Variants in C1orf185 observed in about 807,000 individuals in gnomAD.
C1orf185 encodes the protein chromosome 1 open reading frame 185.
Under a neutral mutation model 16.1 loss-of-function variants are expected in C1orf185, and 13 were observed. That is an observed-to-expected ratio of 0.81 (90% CI 0.53 to 1.28). The LOEUF (loss-of-function observed/expected upper bound fraction) is 1.28. Ranked by LOEUF, C1orf185 falls within the 50% of genes most tolerant of loss-of-function variation. The pLI is 0.00. For synonymous variants in C1orf185, 80 were observed against 76.9 expected, an observed-to-expected ratio of 1.04 and a Z score of -0.21; for missense variants, 220 against 225.2, an observed-to-expected ratio of 0.98 and a Z score of 0.15.
downstream of C1orf185, among the ~76,000 whole-genome samples, chr1:51,152,272 CTA>C (rs1013616372): frequency 2.0e-5 from 3 of 152,186 alleles, no homozygotes; most frequent in African/African-American, 7.2e-5. Flanking sequence ...ACTGGCCTCT[CTA>C]TAGTCTGTTT....
At chr1:51,124,336 C>T (rs150982068) in intron 3 of C1orf185, among the ~76,000 whole-genome samples, 2,406 of 152,320 alleles carry the variant, frequency 0.016, 23 homozygotes, top group Middle Eastern at 0.034. Context: ...CCCACCTTGG[C>T]CTTCCAAAGT....
chr1:51,133,462 G>A (rs1257902387), intron 3 of C1orf185, among the ~76,000 whole-genome samples: 1 of 152,120 alleles, frequency 6.6e-6, no homozygotes, highest in Non-Finnish European at 1.5e-5. Context: ...ACAAAGAAAG[G>A]CATTACATAA....
chr1:51,125,435 T>C (rs1309575392), intron 3 of C1orf185, among the ~76,000 whole-genome samples: 1 of 152,184 alleles, frequency 6.6e-6, no homozygotes, highest in Non-Finnish European at 1.5e-5. Flanking sequence ...AAGTTTTTAG[T>C]AACACTAAGT....
intron 3 of C1orf185, among the ~76,000 whole-genome samples, chr1:51,122,614 T>C (rs1314770702): frequency 6.6e-6 from 1 of 152,214 alleles, no homozygotes; most frequent in Non-Finnish European, 1.5e-5. Flanking sequence ...CCAAAATTCA[T>C]AGTTTACAAT....
intron 3 of C1orf185, among the ~76,000 whole-genome samples, chr1:51,124,726 T>C (rs761321568): frequency 1.3e-5 from 2 of 152,236 alleles, no homozygotes; most frequent in African/African-American, 2.4e-5. Flanking sequence ...AAAGTGGTCA[T>C]AACTTCTGGG....
chr1:51,111,881 A>G (rs1350353265), intron 1 of C1orf185, among the ~76,000 whole-genome samples: 1 of 152,098 alleles, frequency 6.6e-6, no homozygotes, highest in African/African-American at 2.4e-5. Flanking sequence ...CTGGGCTGGT[A>G]TCCAACTCCT....
intron 3 of C1orf185, among the ~76,000 whole-genome samples, chr1:51,143,612 G>GT (rs1239386276): frequency 3.2e-4 from 49 of 151,844 alleles, no homozygotes; most frequent in African/African-American, 1.2e-3. Context: ...TAATATCTAT[G>GT]TATCATAATG....
chr1:51,135,528 A>G (rs1303031183), intron 3 of C1orf185, among the ~76,000 whole-genome samples: 2 of 152,206 alleles, frequency 1.3e-5, no homozygotes, highest in Non-Finnish European at 2.9e-5. Flanking sequence ...AACAAGAGTG[A>G]AACTCTGTCA....
downstream of C1orf185, among the ~76,000 whole-genome samples, chr1:51,151,440 T>C (rs1209958301): frequency 1.3e-5 from 2 of 152,130 alleles, no homozygotes; most frequent in Admixed American, 1.3e-4. Context: ...TCTGAAACTC[T>C]GAACAAGAGA....
chr1:51,137,439 C>A (rs892645475), intron 3 of C1orf185, among the ~76,000 whole-genome samples: 3 of 152,056 alleles, frequency 2.0e-5, no homozygotes, highest in Admixed American at 2.0e-4. Context: ...GAGGCTGAGG[C>A]AGGACAATCA....
chr1:51,133,221 A>C (rs1217632687), intron 3 of C1orf185, among the ~76,000 whole-genome samples: 1 of 152,208 alleles, frequency 6.6e-6, no homozygotes, highest in Non-Finnish European at 1.5e-5. Context: ...ATTAACCTTG[A>C]ATGCAACTGG....
At chr1:51,115,230 C>T (rs951954867) in intron 2 of C1orf185, among the ~76,000 whole-genome samples, 3 of 151,814 alleles carry the variant, frequency 2.0e-5, no homozygotes, top group Non-Finnish European at 4.4e-5. Context: ...CCCAGCTACT[C>T]GGGAGGCTGA....
intron 3 of C1orf185, among the ~76,000 whole-genome samples, chr1:51,124,560 G>A (rs1352953404): frequency 6.6e-6 from 1 of 152,200 alleles, no homozygotes; most frequent in Non-Finnish European, 1.5e-5. Flanking sequence ...AGCACATCCA[G>A]AGACAGCAAC....
intron 2 of C1orf185, among the ~76,000 whole-genome samples, chr1:51,118,173 A>G (rs934885947): frequency 2.6e-5 from 4 of 151,942 alleles, no homozygotes; most frequent in African/African-American, 9.7e-5. Flanking sequence ...GCCCGCCTTG[A>G]CCTCCCAAAG....
chr1:51,109,698 G>C (rs1323905224), intron 1 of C1orf185, among the ~76,000 whole-genome samples: 3 of 152,156 alleles, frequency 2.0e-5, no homozygotes, highest in African/African-American at 7.2e-5. Context: ...TCAGTTGGCT[G>C]TAGACATGTA....
At chr1:51,142,442 A>G (rs1296866433) in intron 3 of C1orf185, among the ~76,000 whole-genome samples, 1 of 152,112 alleles carries the variant, frequency 6.6e-6, no homozygotes. Flanking sequence ...TTATCTGTGG[A>G]TTTTTGCCTT....
At position 51,102,458 on chromosome 1, in the gene C1orf185, C is replaced by T. The variant is rs146324014; in HGVS notation, c.16+209C>T. 1.2e-3 allele frequency: 455 copies of T among 395,158 alleles called. 3 individuals carry two copies. The highest frequency in any genetic ancestry group is 8.4e-3 in the African/African-American group (413 of 49,230). The allele number at this position is 395,158 out of a possible 1,614,324, so 24.5% of individuals were successfully genotyped here. A position where few individuals can be genotyped will look rare whatever the true frequency, so the allele number is the denominator to read the frequency against. On this transcript the variant is annotated intron_variant, in intron 1 of 4. Coordinates refer to ENST00000371759, the MANE Select transcript of C1orf185 (RefSeq NM_001136508.2). ...TTTTGTAACTACTGATTCAATTTAA[C>T]GGATACTGTTCATATATGTTTTCTA...
chr1:51,139,904 G>C (rs767353651), intron 3 of C1orf185, among the ~76,000 whole-genome samples: 4 of 152,152 alleles, frequency 2.6e-5, no homozygotes, highest in Non-Finnish European at 5.9e-5. Context: ...AAGCTGAAGG[G>C]AAAGTCTCTA....
intron 3 of C1orf185, among the ~76,000 whole-genome samples, chr1:51,142,185 C>A (rs1349907252): frequency 6.6e-6 from 1 of 152,106 alleles, no homozygotes; most frequent in African/African-American, 2.4e-5. Flanking sequence ...TCTATTATCC[C>A]AATCATGTCC....
Sources: allele counts gnomAD v4.1 joint callset (sites outside exome capture counted in the v4.1 genomes callset), GRCh38; gene constraint gnomAD v4.1.1; transcripts MANE v1.5; gene names NCBI Gene and HGNC (gene_info 2026-07-23, HGNC 2026-07-21).